Variants in FHIP2A observed in about 807,000 individuals in gnomAD.
FHIP2A encodes the protein family with sequence similarity 160 member B1.
Under a neutral mutation model 93.5 loss-of-function variants are expected in FHIP2A, and 46 were observed. That is an observed-to-expected ratio of 0.49 (90% CI 0.39 to 0.63). The LOEUF (loss-of-function observed/expected upper bound fraction) is 0.63, where lower values mean the gene tolerates loss of function less well. Ranked by LOEUF, FHIP2A falls within the 20% of genes least tolerant of loss-of-function variation. The pLI, the probability that FHIP2A is intolerant of heterozygous loss-of-function variation, is 0.00. For synonymous variants in FHIP2A, 332 were observed against 326.5 expected, an observed-to-expected ratio of 1.02 and a Z score of -0.18; for missense variants, 769 against 909.7, an observed-to-expected ratio of 0.85 and a Z score of 1.99.
Position 114,847,156 on chromosome 10 carries a change from G to T in FHIP2A, c.1635G>T (p.Trp545Cys). 1 of 1,613,322 alleles carries T rather than the reference G, an allele frequency of 6.2e-7. No individual in the cohort carries two copies. Among genetic ancestry groups the T allele is most frequent in the South Asian group, 1.1e-5 (1 of 91,024 alleles). ...AAAACACTTTGCCAAACCAAGAGTGGCTTAGTTCTTCACCTCCTGCTACTC... is the reference window on the plus strand; with the variant it reads ...AAAACACTTTGCCAAACCAAGAGTGTCTTAGTTCTTCACCTCCTGCTACTC... Reference protein sequence around the residue: ...SPENTLPNQEWLSSSPPATPD... With the variant: ...SPENTLPNQECLSSSPPATPD... Residue 545 changes from tryptophan (W) to cysteine (C), a missense_variant, in exon 12 of 17, where the codon TGG (tryptophan) becomes TGT (cysteine). Coordinates refer to ENST00000369248, the MANE Select transcript of FHIP2A (RefSeq NM_020940.4).
intron 5 of FHIP2A, among the ~76,000 whole-genome samples, chr10:114,841,915 A>T (rs908294936): frequency 6.6e-6 from 1 of 152,158 alleles, no homozygotes; most frequent in Non-Finnish European, 1.5e-5. Flanking sequence ...CTTGAAGCTA[A>T]CAATTTGCTA....
intron 16 of FHIP2A, among the ~76,000 whole-genome samples, chr10:114,891,535 A>ATGTGTGTGTGTG (rs1342933567): frequency 4.7e-5 from 6 of 126,494 alleles, no homozygotes; most frequent in African/African-American, 1.7e-4. Context: ...ATATATATAT[A>ATGTGTGTGTGTG]TATGTGTGTG....
chr10:114,826,813 A>T lies in FHIP2A; in HGVS notation c.46-4039A>T, dbSNP rs377364459. On this transcript the variant is annotated intron_variant, in intron 1 of 16. Coordinates refer to ENST00000369248, the MANE Select transcript of FHIP2A (RefSeq NM_020940.4). The stretch of plus-strand genomic sequence containing the variant: ...GTTCGAGACCAGCCTGACCAATATG[A>T]TGAAACCCCATCTTTACTAAAAATA... Among the ~76,000 whole-genome samples the T allele has an allele frequency of 8.5e-5, 13 of 152,234 alleles. 1 individual carries two copies. The East Asian group carries it at 2.5e-3, about 29-fold the overall frequency.
chr10:114,843,974 CT>C, intron 7 of FHIP2A, 37 bp downstream of exon 7: 1 of 1,443,190 alleles, frequency 6.9e-7, no homozygotes, highest in Non-Finnish European at 9.2e-7. Context: ...ATAAAGGTGA[CT>C]TCTTAACACC....
chr10:114,886,733 C>T (rs753646003), intron 16 of FHIP2A, among the ~76,000 whole-genome samples: 4 of 151,720 alleles, frequency 2.6e-5, no homozygotes, highest in East Asian at 1.9e-4. Context: ...TTAGTAGAGA[C>T]GGGGTTTTGC....
chr10:114,843,964 A>T, intron 7 of FHIP2A, 27 bp downstream of exon 7: 1 of 1,512,266 alleles, frequency 6.6e-7, no homozygotes. Context: ...GTATTTTCCC[A>T]TAAAGGTGAC....
chr10:114,841,012 C>G (rs1427261015), intron 5 of FHIP2A, among the ~76,000 whole-genome samples: 2 of 152,104 alleles, frequency 1.3e-5, no homozygotes, highest in African/African-American at 4.8e-5. Flanking sequence ...TCCTCATCAC[C>G]TAGGAAATTT....
chr10:114,827,827 C>CATAT (rs1352882578), intron 1 of FHIP2A, among the ~76,000 whole-genome samples: 1 of 148,814 alleles, frequency 6.7e-6, no homozygotes, highest in African/African-American at 2.5e-5. Flanking sequence ...AGTATCAAGG[C>CATAT]ATATATAGGG....
intron 16 of FHIP2A, among the ~76,000 whole-genome samples, chr10:114,874,274 C>T (rs1221089243): frequency 6.8e-6 from 1 of 147,892 alleles, no homozygotes; most frequent in East Asian, 1.9e-4. Flanking sequence ...AATTTTTTTT[C>T]CCAAAGGAAT....
intron 14 of FHIP2A, among the ~76,000 whole-genome samples, chr10:114,855,884 A>G (rs895714199): frequency 2.0e-5 from 3 of 152,206 alleles, no homozygotes; most frequent in Non-Finnish European, 2.9e-5. Context: ...ATAAGTTGCT[A>G]TGTACATCTC....
intron 5 of FHIP2A, among the ~76,000 whole-genome samples, chr10:114,838,721 T>C (rs974914621): frequency 1.3e-5 from 2 of 152,194 alleles, no homozygotes; most frequent in Non-Finnish European, 2.9e-5. Flanking sequence ...AGACGAAATA[T>C]GTAGGCTTAT....
At chr10:114,891,325 G>A (rs910687002) in intron 16 of FHIP2A, among the ~76,000 whole-genome samples, 1 of 151,216 alleles carries the variant, frequency 6.6e-6, no homozygotes, top group East Asian at 1.9e-4. Flanking sequence ...AGAATGGGGG[G>A]CATAGAGACA....
chr10:114,839,176 G>A (rs981807075), intron 5 of FHIP2A, among the ~76,000 whole-genome samples: 5 of 152,110 alleles, frequency 3.3e-5, no homozygotes, highest in Admixed American at 2.6e-4. Context: ...CACCCAGGCC[G>A]TAGTGCAGTG....
chr10:114,862,911 C>G lies in FHIP2A; in HGVS notation c.*1371C>G. 1 of 985,408 alleles carries G rather than the reference C, an allele frequency of 1.0e-6. No homozygotes were observed. The highest frequency in any genetic ancestry group is 1.7e-5 in the African/African-American group (1 of 57,348). The allele number at this position is 985,408 out of a possible 1,614,324, so 61.0% of individuals were successfully genotyped here. A position where few individuals can be genotyped will look rare whatever the true frequency, so the allele number is the denominator to read the frequency against. Reference sequence around the variant, plus strand: ...CCCTCTAGGAAGTTATTTTATGTAGCATGTTTGCATATACGCATTGTGTGG... The same window carrying G: ...CCCTCTAGGAAGTTATTTTATGTAGGATGTTTGCATATACGCATTGTGTGG... On this transcript the variant is annotated 3_prime_UTR_variant, in exon 17 of 17. Transcript: ENST00000369248.
intron 5 of FHIP2A, among the ~76,000 whole-genome samples, chr10:114,838,048 C>T (rs924964759): frequency 1.3e-5 from 2 of 152,166 alleles, no homozygotes; most frequent in African/African-American, 4.8e-5. Flanking sequence ...ATCACCAGAT[C>T]ATATGGTAAG....
chr10:114,833,133 T>C (rs932109625), intron 2 of FHIP2A, 100 bp from the exon 3 acceptor site: 8 of 868,760 alleles, frequency 9.2e-6, no homozygotes, highest in Admixed American at 2.8e-5. Context: ...GTTCAGATTT[T>C]TCTCAGTTTG....
At position 114,862,700 on chromosome 10, in the gene FHIP2A, G is replaced by A. The variant is rs1472140745; in HGVS notation, c.*1160G>A. 7.1e-6 allele frequency: 7 copies of A among 985,616 alleles called. No individual in the cohort carries two copies. Among genetic ancestry groups the A allele is most frequent in the Non-Finnish European group, 8.4e-6 (7 of 830,068 alleles). 61.1% of individuals were successfully genotyped at this position (985,616 alleles called of 1,614,324 possible). ...ATGCTTGTACTTGATTGACAAAATC[G>A]TGTTTGCCAGTCCACTTTCTATTTT... On this transcript the variant is annotated 3_prime_UTR_variant, in exon 17 of 17. Coordinates refer to ENST00000369248, the MANE Select transcript of FHIP2A (RefSeq NM_020940.4).
At chr10:114,870,110 G>A (rs2083849837) in intron 16 of FHIP2A, among the ~76,000 whole-genome samples, 1 of 152,142 alleles carries the variant, frequency 6.6e-6, no homozygotes, top group Non-Finnish European at 1.5e-5. Flanking sequence ...GCTTGCCATT[G>A]CTATACTCTG....
chr10:114,867,721 A>G (rs1279920870), downstream of FHIP2A, among the ~76,000 whole-genome samples: 1 of 151,772 alleles, frequency 6.6e-6, no homozygotes, highest in Non-Finnish European at 1.5e-5. Context: ...GGATGTGTAG[A>G]CCTCCACTGG....
Sources: allele counts gnomAD v4.1 joint callset (sites outside exome capture counted in the v4.1 genomes callset), GRCh38; gene constraint gnomAD v4.1.1; transcripts MANE v1.5; gene names NCBI Gene and HGNC (gene_info 2026-07-23, HGNC 2026-07-21).